Variants in PAQR5 observed in about 807,000 individuals in gnomAD.
PAQR5 encodes membrane progestin receptor gamma.
PAQR5 carries 20 observed loss-of-function variants against 34.5 expected under a neutral mutation model. The ratio of observed to expected loss-of-function variants is 0.58; its 90% CI spans 0.41 to 0.84. The LOEUF is 0.84. Among genes scored for constraint, PAQR5 ranks in the 40% least tolerant of loss-of-function variants. The probability of loss-of-function intolerance (pLI) is 0.00; values close to 1 mark genes in which losing one functional copy is unlikely to be tolerated. For synonymous variants in PAQR5, 131 were observed against 155.6 expected (o/e 0.84, Z 1.18); for missense variants, 378 against 412.7 (o/e 0.92, Z 0.73).
At position 69,385,894 on chromosome 15, in the gene PAQR5, GACAC is replaced by G. The variant is rs531827532; in HGVS notation, c.385+1020_385+1023del. 2.0e-5 allele frequency among the ~76,000 whole-genome samples: 3 copies of G among 148,294 alleles called. No homozygotes were observed. Among genetic ancestry groups the G allele is most frequent in the Admixed American group, 6.7e-5 (1 of 14,836 alleles). ...CACATGCCACATGTACTCACACATT[GACAC>G]ACACACAATACACTCACATACACAC... On this transcript the variant is annotated intron_variant, in intron 5 of 8. Coordinates refer to ENST00000395407, the MANE Select transcript of PAQR5 (RefSeq NM_017705.4). This position sits in a 1 kb window ranked among gnomAD's most constrained non-coding sequence, Gnocchi z 4.7.
Position 69,384,848 on chromosome 15 carries a change from C to G in PAQR5, c.351C>G (p.Phe117Leu). Reference protein sequence around the residue: ...MSKNARHICYFLDYGAVNLFS... With the variant: ...MSKNARHICYLLDYGAVNLFS... Reference sequence around the variant, plus strand: ...AGAATGCCCGGCACATTTGCTACTTCCTGGACTATGGTGCCGTCAACCTCT... The same window carrying G: ...AGAATGCCCGGCACATTTGCTACTTGCTGGACTATGGTGCCGTCAACCTCT... The change falls in exon 5 of 9, where the codon TTC becomes TTG. Residue 117 changes from phenylalanine (F) to leucine (L), a missense_variant. By Grantham distance (22) the Phe-to-Leu change is conservative. Coordinates refer to ENST00000395407, the MANE Select transcript of PAQR5 (RefSeq NM_017705.4). 6.2e-7 allele frequency: 1 copy of G among 1,614,112 alleles called. No homozygotes were observed. The highest frequency in any genetic ancestry group is 8.5e-7 in the Non-Finnish European group (1 of 1,179,988).
chr15:69,394,826 G>A (rs1054856763), intron 6 of PAQR5, among the ~76,000 whole-genome samples: 2 of 152,206 alleles, frequency 1.3e-5, no homozygotes, highest in African/African-American at 4.8e-5. Flanking sequence ...GGTAGCGGAC[G>A]GCCCCTCTCC....
intron 2 of PAQR5, among the ~76,000 whole-genome samples, chr15:69,340,120 A>G (rs1028991474): frequency 5.3e-5 from 7 of 131,910 alleles, no homozygotes; most frequent in Admixed American, 1.6e-4. Flanking sequence ...CCCGCCTTGG[A>G]CTCCCAAAGT....
At chr15:69,315,937 G>A (rs1304230245) in intron 1 of PAQR5, among the ~76,000 whole-genome samples, 1 of 152,078 alleles carries the variant, frequency 6.6e-6, no homozygotes, top group Non-Finnish European at 1.5e-5. Flanking sequence ...GGAGCTCAAG[G>A]CCAGCCTGGA....
rs2056760251 is a variant in PAQR5 at position 69,407,342 on chromosome 15, T to G, written c.*3520T>G. ...TAGGGTTTTGCCATGCTGCCCAGGC[T>G]GGCTTAGAATTCCTGAATTCAAGTG... On this transcript the variant is annotated 3_prime_UTR_variant, in exon 9 of 9. Transcript: ENST00000395407. 3 of 152,266 alleles carry G rather than the reference T, an allele frequency of 2.0e-5. No homozygotes were observed. 9.4% of individuals were successfully genotyped at this position (152,266 alleles called of 1,614,324 possible). A position where few individuals can be genotyped will look rare whatever the true frequency, so the allele number is the denominator to read the frequency against.
chr15:69,375,217 C>T (rs2055674122), intron 3 of PAQR5, among the ~76,000 whole-genome samples: 1 of 152,144 alleles, frequency 6.6e-6, no homozygotes. Context: ...AGCCTCTCTC[C>T]TTGGCTTACA....
intron 1 of PAQR5, among the ~76,000 whole-genome samples, chr15:69,319,189 A>ATAAATATATACATATATATATT (rs2054035303): frequency 1.1e-4 from 1 of 8,814 alleles, no homozygotes; most frequent in South Asian, 0.013. Flanking sequence ...ATATATATAT[A>ATAAATATATACATATATATATT]TATATATATA....
chr15:69,332,541 G>A (rs1408023172), intron 1 of PAQR5, among the ~76,000 whole-genome samples: 2 of 152,110 alleles, frequency 1.3e-5, no homozygotes, highest in Non-Finnish European at 2.9e-5. Context: ...CTGGGGAGAG[G>A]AATAGAAACT....
At chr15:69,319,406 G>A (rs1239778836) in intron 1 of PAQR5, among the ~76,000 whole-genome samples, 4 of 151,096 alleles carry the variant, frequency 2.6e-5, no homozygotes, top group East Asian at 2.0e-4. Flanking sequence ...TCTCCCAAAC[G>A]GATTCTAGGC....
intron 1 of PAQR5, among the ~76,000 whole-genome samples, chr15:69,328,925 C>T (rs1391275459): frequency 6.6e-6 from 1 of 152,228 alleles, no homozygotes; most frequent in Non-Finnish European, 1.5e-5. Flanking sequence ...GACCAGTTTC[C>T]AGTTTCCAGG....
chr15:69,378,436 C>CAAAAA (rs1235264927), intron 3 of PAQR5, among the ~76,000 whole-genome samples: 7 of 52,502 alleles, frequency 1.3e-4, no homozygotes, highest in Admixed American at 3.1e-4. Flanking sequence ...GACCCTGTCT[C>CAAAAA]AAAAAAAAAA....
chr15:69,348,378 G>A (rs929520779), intron 2 of PAQR5, among the ~76,000 whole-genome samples: 2 of 152,182 alleles, frequency 1.3e-5, no homozygotes, highest in African/African-American at 4.8e-5. Flanking sequence ...CTTACCTAAG[G>A]TTGCACAGGA....
rs1270003563 is a variant in PAQR5 at position 69,390,352 on chromosome 15, A to ATTTTTTTT, written c.512+575_512+576insTTTTTTTT. On this transcript the variant is annotated intron_variant, in intron 6 of 8. Transcript: ENST00000395407. ...TATTTATTTATTTATTTATTTATTT[A>ATTTTTTTT]TTTATTTATTTTTTTGAGACAGGGT... Among the ~76,000 whole-genome samples, 223 of 128,164 alleles carry ATTTTTTTT rather than the reference A, an allele frequency of 1.7e-3. 5 individuals are homozygous for ATTTTTTTT. Among genetic ancestry groups the ATTTTTTTT allele is most frequent in the Non-Finnish European group, 2.9e-3 (171 of 59,410 alleles). The allele number at this position is 128,164 out of a possible 152,430, so 84.1% of individuals were successfully genotyped here. A position where few individuals can be genotyped will look rare whatever the true frequency, so the allele number is the denominator to read the frequency against.
At chr15:69,338,276 G>T (rs1046368870) in intron 2 of PAQR5, among the ~76,000 whole-genome samples, 2 of 152,180 alleles carry the variant, frequency 1.3e-5, no homozygotes, top group African/African-American at 4.8e-5. Context: ...GTATACTGTT[G>T]TTAGCTGTTC....
chr15:69,306,547 G>A (rs753004788), intron 1 of PAQR5, among the ~76,000 whole-genome samples: 1 of 151,700 alleles, frequency 6.6e-6, no homozygotes, highest in Admixed American at 6.6e-5. Context: ...GAGTAGCTGG[G>A]ATTACAGGCG....
In PAQR5 at chr15:69,344,704, T is replaced by A. The variant is rs769262845; in HGVS notation, c.-116+7203T>A. On this transcript the variant is annotated intron_variant, in intron 2 of 8. Transcript: ENST00000395407. Reference sequence around the variant, plus strand: ...AGATTTCAAACAACTTTGTTGGCGGTAAGAGTATTTTTCAAGTAAACTGTG... The same window carrying A: ...AGATTTCAAACAACTTTGTTGGCGGAAAGAGTATTTTTCAAGTAAACTGTG... 4.7e-4 allele frequency among the ~76,000 whole-genome samples: 72 copies of A among 152,330 alleles called. 1 individual carries two copies. The highest frequency in any genetic ancestry group is 6.2e-4 in the Non-Finnish European group (42 of 68,034).
intron 1 of PAQR5, among the ~76,000 whole-genome samples, chr15:69,309,646 G>A (rs1019637196): frequency 2.6e-5 from 4 of 152,002 alleles, no homozygotes; most frequent in African/African-American, 7.3e-5. Flanking sequence ...TAGAAAAGAC[G>A]TATACAGATT....
intron 3 of PAQR5, among the ~76,000 whole-genome samples, chr15:69,364,048 G>T (rs909824827): frequency 6.6e-6 from 1 of 152,140 alleles, no homozygotes; most frequent in East Asian, 1.9e-4. Context: ...CTTAGTCTCA[G>T]TGTTCTTATC....
chr15:69,386,393 C>A (rs891170112), intron 5 of PAQR5, among the ~76,000 whole-genome samples: 2 of 152,148 alleles, frequency 1.3e-5, no homozygotes, highest in South Asian at 4.1e-4. Flanking sequence ...ATTCACTAGA[C>A]CGTGCCCCTT....
Sources: allele counts gnomAD v4.1 joint callset (sites outside exome capture counted in the v4.1 genomes callset), GRCh38; gene constraint gnomAD v4.1.1; non-coding constraint Gnocchi (gnomAD v3.1); transcripts MANE v1.5; gene names NCBI Gene and HGNC (gene_info 2026-07-23, HGNC 2026-07-21).